HS1BP3: variants seen among roughly 807,000 people sequenced by gnomAD.
HS1BP3 encodes the protein HCLS1-binding protein 3.
A neutral mutation model predicts 33.5 loss-of-function variants in HS1BP3; 32 were observed. That is an observed-to-expected ratio of 0.95 (90% CI 0.72 to 1.28). HS1BP3 has a LOEUF of 1.28. Among genes scored for constraint, HS1BP3 ranks in the 50% most tolerant of loss-of-function variants. The probability of loss-of-function intolerance (pLI) is 0.00; values close to 1 mark genes in which losing one functional copy is unlikely to be tolerated. For synonymous variants in HS1BP3, 187 were observed against 209.2 expected, an observed-to-expected ratio of 0.89 and a Z score of 0.92; for missense variants, 486 against 502.3, an observed-to-expected ratio of 0.97 and a Z score of 0.31.
intron 5 of HS1BP3, among the ~76,000 whole-genome samples, chr2:20,580,487 C>A (rs1306265096): frequency 1.3e-5 from 2 of 151,852 alleles, no homozygotes; most frequent in Non-Finnish European, 2.9e-5. Context: ...CCACTGTACT[C>A]CAGCCTGGGT....
intron 1 of HS1BP3, among the ~76,000 whole-genome samples, chr2:20,647,383 C>T (rs1286150298): frequency 3.3e-5 from 5 of 152,332 alleles, no homozygotes; most frequent in African/African-American, 1.2e-4. Flanking sequence ...AGTGGCTCAA[C>T]GTGACTGGGG....
chr2:20,571,966 G>T (rs1481915438), intron 5 of HS1BP3, among the ~76,000 whole-genome samples: 4 of 152,240 alleles, frequency 2.6e-5, no homozygotes, highest in Admixed American at 2.0e-4. Context: ...CCGCAGGCCT[G>T]CTCCCCTCTT....
intron 2 of HS1BP3, among the ~76,000 whole-genome samples, chr2:20,603,220 T>G (rs746063729): frequency 4.6e-5 from 7 of 152,242 alleles, no homozygotes; most frequent in Non-Finnish European, 1.0e-4. Context: ...GCAATTCTAC[T>G]GTTAGGTATA....
At chr2:20,634,091 C>G (rs576575064) in intron 4 of HS1BP3, among the ~76,000 whole-genome samples, 20 of 152,356 alleles carry the variant, frequency 1.3e-4, no homozygotes, top group Admixed American at 2.6e-4. Context: ...GCAGGTGGGT[C>G]AGCAGACGAG....
the HS1BP3 span, among the ~76,000 whole-genome samples, chr2:20,554,811 C>T: frequency 5.3e-5 from 8 of 152,050 alleles, no homozygotes; most frequent in South Asian, 2.1e-4. Flanking sequence ...CACCTCTATC[C>T]TTTGGCTACA....
chr2:20,593,096 C>G (rs1375971491), intron 3 of HS1BP3, among the ~76,000 whole-genome samples: 1 of 150,958 alleles, frequency 6.6e-6, no homozygotes, highest in Non-Finnish European at 1.5e-5. Flanking sequence ...CCCCCACTGT[C>G]CCCCCAGCAC....
At chr2:20,564,162 C>T (rs1374120496) in intron 5 of HS1BP3, among the ~76,000 whole-genome samples, 1 of 152,204 alleles carries the variant, frequency 6.6e-6, no homozygotes, top group East Asian at 1.9e-4. Context: ...GAGAATTTGT[C>T]CACTGCTGTC....
intron 5 of HS1BP3, among the ~76,000 whole-genome samples, chr2:20,567,714 G>T (rs149522925): frequency 6.6e-6 from 1 of 152,172 alleles, no homozygotes; most frequent in Non-Finnish European, 1.5e-5. Context: ...AGGACTGACC[G>T]CAGGCTAGAA....
chr2:20,619,278 A>G, intron 6 of HS1BP3, 33 bp from the exon 7 acceptor site: 1 of 1,527,054 alleles, frequency 6.5e-7, no homozygotes, highest in South Asian at 1.2e-5. Context: ...CCTGAGCATA[A>G]CACTGCCACC....
chr2:20,624,680 T>C (rs921562785), intron 5 of HS1BP3, 52 bp downstream of exon 5: 24 of 1,517,320 alleles, frequency 1.6e-5, no homozygotes, highest in South Asian at 2.5e-5. Flanking sequence ...TGCCTGGTGA[T>C]GGGGCTGGGC....
intron 5 of HS1BP3, among the ~76,000 whole-genome samples, chr2:20,584,035 C>A (rs1467123336): frequency 6.6e-6 from 1 of 152,206 alleles, no homozygotes; most frequent in Non-Finnish European, 1.5e-5. Context: ...AACAGGGCCA[C>A]CCTCAGAACC....
chr2:20,631,779 C>A (rs1694976131), intron 4 of HS1BP3, among the ~76,000 whole-genome samples: 2 of 152,112 alleles, frequency 1.3e-5, no homozygotes, highest in South Asian at 4.1e-4. Context: ...CTGGCTCCTG[C>A]ACCACCAGGG....
chr2:20,585,514 G>A (rs1446735742), intron 5 of HS1BP3, among the ~76,000 whole-genome samples: 2 of 152,220 alleles, frequency 1.3e-5, no homozygotes, highest in Non-Finnish European at 2.9e-5. Flanking sequence ...GAGAAGATAA[G>A]TAACTTGCCC....
chr2:20,635,599 A>C (rs919301643), intron 4 of HS1BP3: 1 of 152,190 alleles, frequency 6.6e-6, no homozygotes, highest in African/African-American at 2.4e-5. Context: ...GTAGAATGTC[A>C]ATTTTCTCAG....
the HS1BP3 span, among the ~76,000 whole-genome samples, chr2:20,554,582 G>A: frequency 0.02 from 3,014 of 152,182 alleles, 50 homozygotes; most frequent in Non-Finnish European, 0.031. Flanking sequence ...AATTGGCCGG[G>A]CGTGGTGGTG....
chr2:20,581,958 C>G (rs879447224), intron 5 of HS1BP3, among the ~76,000 whole-genome samples: 1 of 152,186 alleles, frequency 6.6e-6, no homozygotes, highest in African/African-American at 2.4e-5. Flanking sequence ...GAGAGGTACT[C>G]GACTCAGGAA....
downstream of HS1BP3, among the ~76,000 whole-genome samples, chr2:20,559,708 GTGGATGGATGGA>G (rs143038030): frequency 2.2e-4 from 32 of 143,508 alleles, no homozygotes; most frequent in Admixed American, 8.3e-4. Context: ...GGGTGGGTGG[GTGGATGGATGGA>G]TGGATGGATG....
chr2:20,603,775 T>C (rs1213553268), intron 2 of HS1BP3, among the ~76,000 whole-genome samples: 1 of 152,252 alleles, frequency 6.6e-6, no homozygotes, highest in Non-Finnish European at 1.5e-5. Flanking sequence ...AAAAACATAA[T>C]GGAAGCCACC....
intron 5 of HS1BP3, among the ~76,000 whole-genome samples, chr2:20,585,602 C>T (rs1332013969): frequency 1.3e-5 from 2 of 152,188 alleles, no homozygotes; most frequent in Admixed American, 6.5e-5. Context: ...TTTGCTTTGC[C>T]ACAACATCAG....
Sources: gnomAD v4.1 joint callset for allele counts (sites outside exome capture counted in the v4.1 genomes callset) on GRCh38, gnomAD v4.1.1 for gene constraint, MANE v1.5 for transcripts, NCBI Gene and HGNC (gene_info 2026-07-23, HGNC 2026-07-21) for gene names.